The following PKP3 variants were observed in gnomAD, a reference collection of about 807,000 sequenced individuals.
PKP3 encodes plakophilin 3, also known as plakophilin-3.
A neutral mutation model predicts 76.5 loss-of-function variants in PKP3; 66 were observed. The ratio of observed to expected loss-of-function variants is 0.86; its 90% CI spans 0.71 to 1.06. PKP3 has a LOEUF of 1.06. PKP3 is among the 50% of genes least tolerant of loss of function. The pLI is 0.00. For missense variants in PKP3, 1,338 were observed against 1,141.0 expected, an observed-to-expected ratio of 1.17 and a Z score of -2.49; for synonymous variants, 638 against 516.5, an observed-to-expected ratio of 1.24 and a Z score of -3.19.
Position 400,843 on chromosome 11 carries a change from C to G in PKP3, c.1737+138C>G, listed in dbSNP as rs1188964026. ...TCACCCCGGACCCCGCTCACCCCCG[C>G]CCCGCTCACCCCCGACCCCGCTCAC... is the stretch of plus-strand genomic sequence containing the variant. On this transcript the variant is annotated intron_variant, in intron 8 of 12. Transcript: ENST00000331563. 1.2e-3 allele frequency: 169 copies of G among 143,188 alleles called. 1 individual carries two copies. The highest frequency in any genetic ancestry group is 1.8e-3 in the South Asian group (4 of 2,266). The allele number at this position is 143,188 out of a possible 1,614,324, so 8.9% of individuals were successfully genotyped here. A position where few individuals can be genotyped will look rare whatever the true frequency, so the allele number is the denominator to read the frequency against.
intron 4 of PKP3, 83 bp from the exon 5 acceptor site, chr11:398,909 G>T: frequency 9.3e-7 from 1 of 1,079,700 alleles, no homozygotes; most frequent in Non-Finnish European, 1.3e-6. Flanking sequence ...CTACATCTAC[G>T]CACCTGGACA....
chr11:394,427 C>A lies in PKP3; in HGVS notation c.135C>A (p.Arg45=). The A allele has an allele frequency of 1.4e-6, 2 of 1,467,654 alleles. No individual in the cohort carries two copies. The highest frequency in any genetic ancestry group is 2.4e-4 in the Middle Eastern group (1 of 4,144). The allele number at this position is 1,467,654 out of a possible 1,614,324, so 90.9% of individuals were successfully genotyped here. ...AGGCCGAGCGGCTGCGGGCAGCCCGCGTCCAGGAGCAGGTCCGCGCCCGCC... is the reference window on the plus strand; with the variant it reads ...AGGCCGAGCGGCTGCGGGCAGCCCGAGTCCAGGAGCAGGTCCGCGCCCGCC... ...GPEAERLRAA[R]VQEQVRARLL... is the part of the protein sequence containing the mutation. Residue 45 remains arginine (R), a synonymous_variant, in exon 1 of 13, where the codon CGC becomes CGA. Transcript: ENST00000331563.
At chr11:399,245 C>G in intron 5 of PKP3, 49 bp downstream of exon 5, 1 of 1,306,852 alleles carries the variant, frequency 7.7e-7, no homozygotes. Context: ...CTGCGCCCCT[C>G]TGCCTATCCC....
At chr11:398,044 G>A (rs12223529) in intron 4 of PKP3, among the ~76,000 whole-genome samples, 18 of 53,730 alleles carry the variant, frequency 3.4e-4, no homozygotes, top group East Asian at 5.6e-4. Flanking sequence ...CCGTACCCCC[G>A]CACACACCTG....
In PKP3 at chr11:401,059, C is replaced by G. The variant is rs1357722428; in HGVS notation, c.1737+354C>G. Among the ~76,000 whole-genome samples, 2 of 216 alleles carry G rather than the reference C, an allele frequency of 9.3e-3. 1 individual carries two copies. The highest frequency in any genetic ancestry group is 0.013 in the Non-Finnish European group (2 of 158). 0.1% of individuals were successfully genotyped at this position (216 alleles called of 152,430 possible). On this transcript the variant is annotated intron_variant, in intron 8 of 12. Transcript: ENST00000331563. Reference sequence around the variant, plus strand: ...TCACACCCGGCCCCGCTCACCCCCGCCCCGCTCACCCCCGGCCCGCTCACA... The same window carrying G: ...TCACACCCGGCCCCGCTCACCCCCGGCCCGCTCACCCCCGGCCCGCTCACA...
rs1057113552 is a variant in PKP3, at chr11:397,287, G to T, written c.786G>T (p.Gly262=). ...QRFQSSHRSR[G]VGGAVPGAVL... is the part of the protein sequence containing the mutation. ...TCCAGAGCAGCCACCGGAGCCGCGG[G>T]GTAGGCGGGGCAGTGCCGGGGGCCG... is the stretch of plus-strand genomic sequence containing the variant. Residue 262 remains glycine (G), a synonymous_variant, in exon 3 of 13, where the codon GGG becomes GGT. Coordinates refer to ENST00000331563, the MANE Select transcript of PKP3 (RefSeq NM_007183.4). The T allele has an allele frequency of 6.3e-7, 1 of 1,594,758 alleles. No homozygotes were observed. Among genetic ancestry groups the T allele is most frequent in the African/African-American group, 1.3e-5 (1 of 74,738 alleles).
rs780117288 is a variant in PKP3 at position 397,641 on chromosome 11, C to A, written c.1047C>A (p.Ser349Arg). 6.2e-7 allele frequency: 1 copy of A among 1,611,290 alleles called. No homozygotes were observed. The highest frequency in any genetic ancestry group is 8.5e-7 in the Non-Finnish European group (1 of 1,179,208). The change falls in exon 4 of 13, where the codon AGC (serine) becomes AGA (arginine). Residue 349 changes from serine to arginine, a missense_variant. Ser to Arg is a moderately radical substitution (Grantham distance 110). Transcript: ENST00000331563. ...GAAYIQHKCY[S>R]DAAAKKQARS... ...CCTACATCCAGCACAAGTGCTACAG[C>A]GATGCAGCCGCCAAGAAGCAGGTGA...
In PKP3 at chr11:403,979, C is replaced by G; in HGVS notation, c.2114C>G (p.Pro705Arg). Residue 705 changes from proline (P) to arginine (R), a missense_variant, in exon 11 of 13, where the codon CCG becomes CGG. Coordinates refer to ENST00000331563, the MANE Select transcript of PKP3 (RefSeq NM_007183.4). ...KVVSHLIEKL[P>R]GSVGEKSPPA... ...GTGAGCCACCTGATCGAGAAGCTGC[C>G]GGGCAGCGTGGGTGAGAAGTCGCCC... 6.2e-7 allele frequency: 1 copy of G among 1,607,820 alleles called. No homozygotes were observed. The highest frequency in any genetic ancestry group is 8.5e-7 in the Non-Finnish European group (1 of 1,176,670).
chr11:400,093 A>T lies in PKP3; in HGVS notation c.1400A>T (p.Gln467Leu). ...SGAGGPPLIQ[Q>L]NASEAEIFYN... ...GCTGGGGGTCCCCCCCTCATCCAGC[A>T]GAACGCCTCGGAGGCAGAGATCTTC... The change falls in exon 6 of 13, where the codon CAG becomes CTG. Residue 467 changes from glutamine to leucine, a missense_variant. Physicochemically the swap from Gln to Leu is moderately radical, Grantham distance 113. Transcript: ENST00000331563. The T allele has an allele frequency of 6.3e-7, 1 of 1,593,806 alleles. No homozygotes were observed. Among genetic ancestry groups the T allele is most frequent in the Non-Finnish European group, 8.5e-7 (1 of 1,173,778 alleles).
upstream of PKP3, among the ~76,000 whole-genome samples, chr11:393,242 C>T (rs1057395315): frequency 1.1e-4 from 17 of 151,734 alleles, 1 homozygote; most frequent in Admixed American, 9.8e-4. Flanking sequence ...CCCCCACTAC[C>T]CCACCCCCAC....
rs200127539 is a variant in PKP3, at chr11:404,067, C to T, written c.2202C>T (p.Ile734=). 36 of 1,612,386 alleles carry T rather than the reference C, an allele frequency of 2.2e-5. No individual in the cohort carries two copies. The African/African-American group carries it at 3.3e-4, about 15-fold the overall frequency. Residue 734 remains isoleucine (I), a synonymous_variant, in exon 11 of 13, where the codon ATC becomes ATT. Transcript: ENST00000331563. The surrounding 1 kb of genome is among the most constrained non-coding windows in gnomAD (Gnocchi z 4.2). ...VLNNLVVASP[I]AARDLLYFDG... ...ACAACCTGGTGGTGGCCAGCCCCAT[C>T]GCTGCCCGAGACCTGCTGTATTTTG...
At chr11:403,022 C>T (rs550329502) in intron 8 of PKP3, 56 bp from the exon 9 acceptor site, 1 of 760,958 alleles carries the variant, frequency 1.3e-6, no homozygotes, top group Non-Finnish European at 1.7e-6. Flanking sequence ...TCACCCCGAC[C>T]CGCTCACCCC....
chr11:394,627 A>C, intron 1 of PKP3, 103 bp downstream of exon 1: 1 of 983,978 alleles, frequency 1.0e-6, no homozygotes, highest in South Asian at 2.2e-5. Context: ...CCGGCTCCTG[A>C]CTCACCAGGC....
At position 394,425 on chromosome 11, in the gene PKP3, C is replaced by T. The variant is rs899268331; in HGVS notation, c.133C>T (p.Arg45Cys). 5 of 1,469,440 alleles carry T rather than the reference C, an allele frequency of 3.4e-6. No homozygotes were observed. The highest frequency in any genetic ancestry group is 2.6e-5 in the South Asian group (2 of 76,086). 91.0% of individuals were successfully genotyped at this position (1,469,440 alleles called of 1,614,324 possible). Residue 45 changes from arginine to cysteine, a missense_variant, in exon 1 of 13, where the codon CGC becomes TGC. Coordinates refer to ENST00000331563, the MANE Select transcript of PKP3 (RefSeq NM_007183.4). ...GGAGGCCGAGCGGCTGCGGGCAGCC[C>T]GCGTCCAGGAGCAGGTCCGCGCCCG... ...GPEAERLRAA[R>C]VQEQVRARLL...
Position 394,248 on chromosome 11 carries a change from G to T in PKP3, c.-45G>T. 1 of 1,455,200 alleles carries T rather than the reference G, an allele frequency of 6.9e-7. No individual in the cohort carries two copies. The highest frequency in any genetic ancestry group is 1.3e-5 in the South Asian group (1 of 74,166). The allele number at this position is 1,455,200 out of a possible 1,614,324, so 90.1% of individuals were successfully genotyped here. On this transcript the variant is annotated 5_prime_UTR_variant, in exon 1 of 13. Coordinates refer to ENST00000331563, the MANE Select transcript of PKP3 (RefSeq NM_007183.4). ...GAGGGACAGGACGTGAAGATAGTTG[G>T]GTTTGGAGGCGGCCGCCAGGCCCAG... is the stretch of plus-strand genomic sequence containing the variant.
At chr11:397,756 A>C in intron 4 of PKP3, 94 bp downstream of exon 4, 12 of 1,282,606 alleles carry the variant, frequency 9.4e-6, no homozygotes, top group Non-Finnish European at 1.2e-5. Flanking sequence ...AGCACCCCTC[A>C]TGATCCCCAA....
chr11:399,715 G>A (rs1366265772), intron 5 of PKP3, among the ~76,000 whole-genome samples: 2 of 150,288 alleles, frequency 1.3e-5, no homozygotes, highest in Non-Finnish European at 3.0e-5. Context: ...CCTGTCCTGT[G>A]GTTTTGTCTC....
chr11:397,351 C>T lies in PKP3; in HGVS notation c.850C>T (p.Leu284Phe), dbSNP rs769583207. The T allele has an allele frequency of 6.3e-7, 1 of 1,592,760 alleles. No homozygotes were observed. The highest frequency in any genetic ancestry group is 1.1e-5 in the South Asian group (1 of 89,334). Residue 284 changes from leucine (L) to phenylalanine (F), a missense_variant, in exon 3 of 13, where the codon CTC becomes TTC. By Grantham distance (22) the Leu-to-Phe change is conservative. Coordinates refer to ENST00000331563, the MANE Select transcript of PKP3 (RefSeq NM_007183.4). ...PVARAPSVRS[L>F]SLSLADSGHL... is the part of the protein sequence containing the mutation. ...GGCTCGAGCGCCATCTGTGCGCAGCCTCAGCCTCAGCCTGGCTGACTCGGG... is the reference window on the plus strand; with the variant it reads ...GGCTCGAGCGCCATCTGTGCGCAGCTTCAGCCTCAGCCTGGCTGACTCGGG...
chr11:396,914 AC>A lies in PKP3; in HGVS notation c.414del (p.Asn138LysfsTer126). On this transcript the variant is annotated frameshift_variant, in exon 3 of 13. Transcript: ENST00000331563. LOFTEE classifies it high-confidence loss of function. ...SCSRRLSSAHNGGSAFGAAGY... is the reference protein window; with the variant it reads ...SCSRRLSSAHXGGSAFGAAGY... ...AGTCGGAGGCTGAGTTCAGCCCACA[AC>A]GGGGGCAGCGCCTTTGGGGCCGCTG... The A allele has an allele frequency of 6.3e-7, 1 of 1,597,292 alleles. No individual in the cohort carries two copies.
Sources: allele counts gnomAD v4.1 joint callset (sites outside exome capture counted in the v4.1 genomes callset), GRCh38; gene constraint gnomAD v4.1.1; non-coding constraint Gnocchi (gnomAD v3.1); transcripts MANE v1.5; gene names NCBI Gene and HGNC (gene_info 2026-07-23, HGNC 2026-07-21).